The following MED15 variants were observed in gnomAD, a reference collection of about 807,000 sequenced individuals.
MED15 encodes mediator of RNA polymerase II transcription subunit 15.
Under a neutral mutation model 118.7 loss-of-function variants are expected in MED15, and 41 were observed. The observed-to-expected ratio is 0.35, with a 90% CI of 0.27 to 0.45. The LOEUF is 0.45. Ranked by LOEUF, MED15 falls within the 20% of genes least tolerant of loss-of-function variation. MED15 has a pLI of 1.00. For synonymous variants in MED15, 436 were observed against 413.9 expected, an observed-to-expected ratio of 1.05 and a Z score of -0.65; for missense variants, 740 against 1,025.5, an observed-to-expected ratio of 0.72 and a Z score of 3.80.
At chr22:20,523,953 T>C in intron 1 of MED15, 1 of 555,732 alleles carries the variant, frequency 1.8e-6, no homozygotes, top group Non-Finnish European at 2.3e-6. Context: ...TGTACAGTGT[T>C]TGAAGTCTCC....
rs149687761 is a variant in MED15, at chr22:20,552,190, G to T, written c.208+703G>T. Among the ~76,000 whole-genome samples the T allele has an allele frequency of 6.2e-3, 943 of 152,318 alleles. 10 individuals carry two copies. Among genetic ancestry groups the T allele is most frequent in the African/African-American group, 0.021 (892 of 41,560 alleles). ...TGCTCTGTGTTTTCAGCCAACAATG[G>T]CTCCTGCCCACTGCCGCTGCATAAC... On this transcript the variant is annotated intron_variant, in intron 3 of 17. Transcript: ENST00000263205.
chr22:20,561,910 G>C (rs2056258290), intron 5 of MED15, among the ~76,000 whole-genome samples: 1 of 152,178 alleles, frequency 6.6e-6, no homozygotes. Context: ...AGGATCACTT[G>C]AGCCCAGGAG....
At chr22:20,508,069 G>T (rs2053933009) in intron 1 of MED15, 1 of 1,338,022 alleles carries the variant, frequency 7.5e-7, no homozygotes, top group African/African-American at 1.5e-5. Context: ...ATAGGGAAAG[G>T]GAGAGAAGCA....
At chr22:20,534,993 T>C (rs1366556586) in intron 1 of MED15, among the ~76,000 whole-genome samples, 1 of 152,184 alleles carries the variant, frequency 6.6e-6, no homozygotes, top group Admixed American at 6.5e-5. Context: ...AGTCTCATTC[T>C]GTCGCCCAGG....
At chr22:20,548,105 G>A (rs1219773934) in intron 2 of MED15, among the ~76,000 whole-genome samples, 2 of 152,120 alleles carry the variant, frequency 1.3e-5, no homozygotes, top group Non-Finnish European at 2.9e-5. Context: ...ATCCTTCCAA[G>A]TAGCTGGGAT....
intron 8 of MED15, among the ~76,000 whole-genome samples, chr22:20,571,256 C>T (rs1478716016): frequency 6.6e-6 from 1 of 152,252 alleles, no homozygotes; most frequent in Non-Finnish European, 1.5e-5. Context: ...ATGGCCCATG[C>T]TGAGCCTGTC....
At chr22:20,562,044 C>G (rs1415980159) in intron 5 of MED15, among the ~76,000 whole-genome samples, 2 of 152,110 alleles carry the variant, frequency 1.3e-5, no homozygotes, top group African/African-American at 4.8e-5. Context: ...GTAGTCCCAT[C>G]TACTTGTGAG....
chr22:20,508,191 G>A, intron 1 of MED15: 2 of 1,219,238 alleles, frequency 1.6e-6, no homozygotes, highest in South Asian at 3.0e-5. Context: ...GATGAGATTG[G>A]GAAGGTAGTT....
chr22:20,508,380 G>T (rs1230537339), intron 1 of MED15: 2 of 1,304,228 alleles, frequency 1.5e-6, no homozygotes, highest in Admixed American at 2.3e-5. Flanking sequence ...ACCACCGACT[G>T]CTTGTTTCTG....
At position 20,586,722 on chromosome 22, in the gene MED15, G is replaced by C; in HGVS notation, c.*18G>C. The C allele has an allele frequency of 6.2e-7, 1 of 1,611,404 alleles. No homozygotes were observed. Among genetic ancestry groups the C allele is most frequent in the Non-Finnish European group, 8.5e-7 (1 of 1,179,696 alleles). On this transcript the variant is annotated 3_prime_UTR_variant, in exon 18 of 18. Coordinates refer to ENST00000263205, the MANE Select transcript of MED15 (RefSeq NM_001003891.3). Reference sequence around the variant, plus strand: ...CCGCCTAGCCAAGACTGCAGGGATGGCCCGCAGCCTCATCGGGGCCAAGGA... The same window carrying C: ...CCGCCTAGCCAAGACTGCAGGGATGCCCCGCAGCCTCATCGGGGCCAAGGA...
At chr22:20,585,417 G>C (rs1007077095) in intron 16 of MED15, 150 bp downstream of exon 16, 2 of 1,084,194 alleles carry the variant, frequency 1.8e-6, no homozygotes, top group African/African-American at 3.2e-5. Context: ...CACACACACC[G>C]GGCTCCAGAC....
intron 2 of MED15, among the ~76,000 whole-genome samples, chr22:20,541,081 G>GA (rs1170204095): frequency 1.3e-5 from 2 of 151,414 alleles, no homozygotes; most frequent in Non-Finnish European, 3.0e-5. Flanking sequence ...ACAAAAAAAG[G>GA]AAAAAAAATT....
chr22:20,584,448 C>G (rs750920987), intron 14 of MED15, 23 bp downstream of exon 14: 2 of 1,612,290 alleles, frequency 1.2e-6, no homozygotes, highest in Non-Finnish European at 1.7e-6. Flanking sequence ...CCAGACACCC[C>G]TAGGGGAACC....
At chr22:20,543,302 C>G (rs1057325682) in intron 2 of MED15, among the ~76,000 whole-genome samples, 1 of 136,344 alleles carries the variant, frequency 7.3e-6, no homozygotes, top group Non-Finnish European at 1.5e-5. Flanking sequence ...ACCTCCGCCT[C>G]CTGGGTTCAG....
intron 2 of MED15, among the ~76,000 whole-genome samples, chr22:20,548,457 G>A (rs149049327): frequency 4.0e-4 from 61 of 152,214 alleles, no homozygotes; most frequent in African/African-American, 1.4e-3. Context: ...GAGCCAAGGT[G>A]CCCGACTTGA....
intron 9 of MED15, among the ~76,000 whole-genome samples, chr22:20,576,971 G>A (rs1402652487): frequency 1.3e-5 from 2 of 152,216 alleles, no homozygotes; most frequent in East Asian, 3.8e-4. Context: ...ATGTAGGACT[G>A]ATTTTTATAA....
At chr22:20,576,021 C>T (rs1022911020) in intron 9 of MED15, among the ~76,000 whole-genome samples, 3 of 152,066 alleles carry the variant, frequency 2.0e-5, no homozygotes, top group Non-Finnish European at 4.4e-5. Flanking sequence ...CTTCTGTGTA[C>T]ATTATGCTTT....
At chr22:20,538,964 G>A (rs150566835) in intron 2 of MED15, among the ~76,000 whole-genome samples, 2,128 of 152,098 alleles carry the variant, frequency 0.014, 23 homozygotes, top group Non-Finnish European at 0.023. Flanking sequence ...GCCTCCCAAA[G>A]TGCAGGGATT....
At chr22:20,521,686 G>A (rs2054465722) in intron 1 of MED15, among the ~76,000 whole-genome samples, 1 of 149,052 alleles carries the variant, frequency 6.7e-6, no homozygotes, top group Non-Finnish European at 1.5e-5. Flanking sequence ...GTGAGCCACT[G>A]CGCCTGGCCT....
Sources: gnomAD v4.1 joint callset for allele counts (sites outside exome capture counted in the v4.1 genomes callset) on GRCh38, gnomAD v4.1.1 for gene constraint, MANE v1.5 for transcripts, NCBI Gene and HGNC (gene_info 2026-07-23, HGNC 2026-07-21) for gene names.